Variants in MYO1H observed in about 807,000 individuals in gnomAD.
MYO1H encodes myosin IH, also known as unconventional myosin-Ih.
In MYO1H, 118 loss-of-function variants were observed where a neutral mutation model predicts 149.3. The observed-to-expected ratio is 0.79, with a 90% CI of 0.68 to 0.92. MYO1H has a LOEUF of 0.92. Among genes scored for constraint, MYO1H ranks in the 40% least tolerant of loss-of-function variants. MYO1H has a pLI of 0.00. For missense variants in MYO1H, 1,212 were observed against 1,280.7 expected (o/e 0.95, Z 0.82); for synonymous variants, 447 against 465.2 (o/e 0.96, Z 0.50).
At chr12:109,332,038 G>A in the MYO1H span, among the ~76,000 whole-genome samples, 6 of 152,234 alleles carry the variant, frequency 3.9e-5, no homozygotes, top group South Asian at 2.1e-4. Context: ...ATGGGGTGTC[G>A]TAAGGAGCAA....
rs1871085726 is a variant in MYO1H, at chr12:109,419,647, A to G, written c.1598-1334A>G. Among the ~76,000 whole-genome samples, 3 of 152,068 alleles carry G rather than the reference A, an allele frequency of 2.0e-5. No homozygotes were observed. The South Asian group carries it at 6.2e-4, about 32-fold the overall frequency. On this transcript the variant is annotated intron_variant, in intron 15 of 31. Transcript: ENST00000310903. ...ACTGCAGTCTTGACTTCCTGGGCTCAAGCAATCCTCCTACCTCAGCTCCCC... is the reference window on the plus strand; with the variant it reads ...ACTGCAGTCTTGACTTCCTGGGCTCGAGCAATCCTCCTACCTCAGCTCCCC...
At chr12:109,444,435 G>A in exon 30 of MYO1H, 1 of 1,613,624 alleles carries the variant, frequency 6.2e-7, no homozygotes, top group Non-Finnish European at 8.5e-7. Context: ...ACCCCAGGGG[G>A]ATGCCGTTTT....
chr12:109,407,795 T>C, exon 10 of MYO1H: 1 of 1,613,752 alleles, frequency 6.2e-7, no homozygotes, highest in Non-Finnish European at 8.5e-7. Context: ...TCTTTTCAGG[T>C]GATCTGCCCG....
At chr12:109,445,368 C>T (rs181052894) in intron 30 of MYO1H, 145 bp from the exon 31 acceptor site, 1 of 394,108 alleles carries the variant, frequency 2.5e-6, no homozygotes, top group Non-Finnish European at 4.5e-6. Context: ...TCTTCCTTTC[C>T]TCAAATATGC....
At chr12:109,370,258 A>G (rs1356105168) in intron 1 of MYO1H, among the ~76,000 whole-genome samples, 1 of 152,170 alleles carries the variant, frequency 6.6e-6, no homozygotes, top group Non-Finnish European at 1.5e-5. Context: ...GCCCTTGTCT[A>G]CATGCGACCA....
chr12:109,360,413 G>A (rs1385023451), intron 1 of MYO1H, among the ~76,000 whole-genome samples: 4 of 152,100 alleles, frequency 2.6e-5, no homozygotes, highest in African/African-American at 9.7e-5. Flanking sequence ...GACCACTATA[G>A]CCAGGGTCTA....
At chr12:109,406,560 G>GGATC (rs756931363) in intron 8 of MYO1H, among the ~76,000 whole-genome samples, 21 of 150,700 alleles carry the variant, frequency 1.4e-4, no homozygotes, top group Admixed American at 9.3e-4. Flanking sequence ...TAAGGTAGGA[G>GGATC]GATCACTTCA....
chr12:109,371,206 T>C (rs1353465178), intron 1 of MYO1H, among the ~76,000 whole-genome samples: 2 of 140,764 alleles, frequency 1.4e-5, no homozygotes, highest in African/African-American at 5.2e-5. Context: ...TTTTCTTTTT[T>C]TTCTTTCTTT....
the MYO1H span, among the ~76,000 whole-genome samples, chr12:109,327,939 C>T: frequency 1.3e-5 from 2 of 151,732 alleles, no homozygotes; most frequent in Admixed American, 6.6e-5. Flanking sequence ...GCTTTCTATG[C>T]ATCAACTCTT....
At chr12:109,330,440 CAT>C in the MYO1H span, among the ~76,000 whole-genome samples, 252 of 152,304 alleles carry the variant, frequency 1.7e-3, no homozygotes, top group African/African-American at 5.7e-3. Flanking sequence ...CTGATGGACA[CAT>C]GTCTCGCAAG....
At chr12:109,391,584 T>C (rs540602388) in intron 2 of MYO1H, among the ~76,000 whole-genome samples, 3 of 152,220 alleles carry the variant, frequency 2.0e-5, no homozygotes, top group Non-Finnish European at 4.4e-5. Context: ...TATATTTCTT[T>C]GGGATTGCTG....
rs1322679827 is a variant in MYO1H, at chr12:109,405,917, C to T, written c.850-5C>T. On this transcript the variant is annotated splice_region_variant and splice_polypyrimidine_tract_variant and intron_variant, in intron 7 of 31. Transcript: ENST00000310903. The stretch of plus-strand genomic sequence containing the variant: ...CCTGTCTCTGAACACTTCCCATGTT[C>T]CTAGAATCTCTTTGGAATTATTGCC... The T allele has an allele frequency of 1.9e-6, 3 of 1,596,428 alleles. No individual in the cohort carries two copies. The East Asian group carries it at 6.7e-5, about 36-fold the overall frequency.
At chr12:109,409,709 A>G in intron 11 of MYO1H, 85 bp downstream of exon 11, 1 of 1,141,918 alleles carries the variant, frequency 8.8e-7, no homozygotes, top group South Asian at 1.2e-5. Context: ...TAATGTTACT[A>G]GATTGATTTC....
rs897723386 is a variant in MYO1H at position 109,441,078 on chromosome 12, C to T, written c.2538+251C>T. On this transcript the variant is annotated intron_variant, in intron 25 of 31. Transcript: ENST00000310903. ...ACAACGGCTCCTGCCATCCATCCAC[C>T]GGAGCAGAGAATGTAGACCCCTTTC... Among the ~76,000 whole-genome samples the T allele has an allele frequency of 2.6e-5, 4 of 152,210 alleles. No homozygotes were observed. The East Asian group carries it at 5.8e-4, about 22-fold the overall frequency.
the MYO1H span, among the ~76,000 whole-genome samples, chr12:109,318,639 G>T: frequency 2.6e-5 from 4 of 152,092 alleles, no homozygotes; most frequent in Non-Finnish European, 5.9e-5. Flanking sequence ...ACAACCCCAA[G>T]TTGAGGCACA....
At chr12:109,352,058 C>A (rs1469297074) in intron 1 of MYO1H, among the ~76,000 whole-genome samples, 2 of 152,106 alleles carry the variant, frequency 1.3e-5, no homozygotes, top group Non-Finnish European at 2.9e-5. Context: ...GTGAGTGGGA[C>A]AAGAAGTTTC....
chr12:109,446,115 A>T (rs1872468417), intron 31 of MYO1H: 2 of 985,338 alleles, frequency 2.0e-6, no homozygotes, highest in Non-Finnish European at 2.4e-6. Flanking sequence ...TTTGGAATAC[A>T]TGTGTCAAAG....
chr12:109,444,891 C>T (rs1172381900), intron 30 of MYO1H, among the ~76,000 whole-genome samples: 1 of 151,764 alleles, frequency 6.6e-6, no homozygotes, highest in African/African-American at 2.4e-5. Context: ...AATTACAGAT[C>T]GGGGAAGATG....
Position 109,403,937 on chromosome 12 carries a change from C to T in MYO1H, c.751-45C>T, listed in dbSNP as rs950300009. On this transcript the variant is annotated intron_variant, in intron 6 of 31. Transcript: ENST00000310903. Reference sequence around the variant, plus strand: ...AGAGAGGAATAGACATGCTTAATTGCCCCTATAAAAATGACATTAAGTGAC... The same window carrying T: ...AGAGAGGAATAGACATGCTTAATTGTCCCTATAAAAATGACATTAAGTGAC... 6 of 1,307,412 alleles carry T rather than the reference C, an allele frequency of 4.6e-6. No individual in the cohort carries two copies. The African/African-American group carries it at 8.7e-5, about 19-fold the overall frequency. 81.0% of individuals were successfully genotyped at this position (1,307,412 alleles called of 1,614,324 possible). A position where few individuals can be genotyped will look rare whatever the true frequency, so the allele number is the denominator to read the frequency against.
Sources: allele counts gnomAD v4.1 joint callset (sites outside exome capture counted in the v4.1 genomes callset), GRCh38; gene constraint gnomAD v4.1.1; transcripts MANE v1.5; gene names NCBI Gene and HGNC (gene_info 2026-07-23, HGNC 2026-07-21).